The following PTER variants were observed in gnomAD, a reference collection of about 807,000 sequenced individuals.
PTER encodes the protein phosphotriesterase related.
A neutral mutation model predicts 29.6 loss-of-function variants in PTER; 38 were observed. That is an observed-to-expected ratio of 1.28 (90% confidence interval 0.99 to 1.68). PTER has a LOEUF of 1.68. PTER is among the 40% of genes most tolerant of loss of function. The pLI is 0.00. For synonymous variants in PTER, 172 were observed against 154.5 expected (o/e 1.11, Z -0.84); for missense variants, 482 against 427.8 (o/e 1.13, Z -1.12).
intron 1 of PTER, among the ~76,000 whole-genome samples, chr10:16,457,827 C>T (rs1401092413): frequency 6.6e-6 from 1 of 151,754 alleles, no homozygotes; most frequent in Non-Finnish European, 1.5e-5. Flanking sequence ...CCGCGCTAGT[C>T]TCAACTCCCA....
rs148755261 is a variant in PTER, at chr10:16,510,950, G to C, written c.840-96G>C. 97 of 1,013,716 alleles carry C rather than the reference G, an allele frequency of 9.6e-5. No individual in the cohort carries two copies. The East Asian group carries it at 2.5e-3, about 26-fold the overall frequency. 62.8% of individuals were successfully genotyped at this position (1,013,716 alleles called of 1,614,324 possible). The stretch of plus-strand genomic sequence containing the variant: ...CCACAGTAGAAGTCAGTATCTTTAC[G>C]ACAAGCACAATAGGTTAATGAGTAA... On this transcript the variant is annotated intron_variant, in intron 4 of 4. Coordinates refer to ENST00000535784, the MANE Select transcript of PTER (RefSeq NM_001261836.2).
At chr10:16,493,030 C>T (rs573432730) in intron 3 of PTER, among the ~76,000 whole-genome samples, 6 of 152,302 alleles carry the variant, frequency 3.9e-5, no homozygotes, top group African/African-American at 1.4e-4. Flanking sequence ...ATCATTCATT[C>T]ATTCCACAAA....
chr10:16,454,807 C>T (rs924685930), intron 1 of PTER, among the ~76,000 whole-genome samples: 2 of 151,466 alleles, frequency 1.3e-5, no homozygotes, highest in East Asian at 1.9e-4. Context: ...ACAATAAATA[C>T]TAATATATAA....
At chr10:16,458,993 A>G (rs1344983849) in intron 1 of PTER, among the ~76,000 whole-genome samples, 1 of 152,230 alleles carries the variant, frequency 6.6e-6, no homozygotes, top group African/African-American at 2.4e-5. Flanking sequence ...AAAATCAGAC[A>G]GAACAGATAA....
At chr10:16,478,054 G>A (rs1390805926) in intron 1 of PTER, among the ~76,000 whole-genome samples, 1 of 152,134 alleles carries the variant, frequency 6.6e-6, no homozygotes, top group Non-Finnish European at 1.5e-5. Context: ...CTTGGTGTAT[G>A]TTTCACTCTC....
At chr10:16,505,301 T>C in intron 4 of PTER, 141 bp downstream of exon 4, 2 of 1,089,564 alleles carry the variant, frequency 1.8e-6, no homozygotes, top group South Asian at 3.5e-5. Flanking sequence ...ATCTATGCTG[T>C]TTCAGGGAGA....
intron 1 of PTER, among the ~76,000 whole-genome samples, chr10:16,442,142 C>A (rs950328603): frequency 5.9e-5 from 9 of 152,128 alleles, no homozygotes; most frequent in Non-Finnish European, 1.3e-4. Flanking sequence ...AAGCCCATTG[C>A]GACCACAAAA....
rs775428811 is a variant in PTER at position 16,484,188 on chromosome 10, C to T, written c.-48-149C>T. 71 of 567,614 alleles carry T rather than the reference C, an allele frequency of 1.3e-4. No homozygotes were observed. In the Middle Eastern group the frequency reaches 1.8e-3, roughly 15 times the overall value. The allele number at this position is 567,614 out of a possible 1,614,324, so 35.2% of individuals were successfully genotyped here. A position where few individuals can be genotyped will look rare whatever the true frequency, so the allele number is the denominator to read the frequency against. ...CTGCAGTGGGGATAGATTCTGAAGTCGGCAGGATTGTGAGATCGTATCTCT... is the reference window on the plus strand; with the variant it reads ...CTGCAGTGGGGATAGATTCTGAAGTTGGCAGGATTGTGAGATCGTATCTCT... On this transcript the variant is annotated intron_variant, in intron 1 of 4. Transcript: ENST00000535784.
At position 16,484,703 on chromosome 10, in the gene PTER, A is replaced by G; in HGVS notation, c.319A>G (p.Thr107Ala). ...ENTTTGISRDTQTLKRLAEET... is the reference protein window; with the variant it reads ...ENTTTGISRDAQTLKRLAEET... ...CACAACCACTGGGATTAGCCGAGAC[A>G]CACAGACGTTGAAGAGGCTTGCAGA... The change falls in exon 2 of 5, where the codon ACA becomes GCA. Residue 107 changes from threonine (T) to alanine (A), a missense_variant. Thr to Ala is a moderately conservative substitution (Grantham distance 58). Coordinates refer to ENST00000535784, the MANE Select transcript of PTER (RefSeq NM_001261836.2). 6.2e-7 allele frequency: 1 copy of G among 1,614,168 alleles called. No individual in the cohort carries two copies. The highest frequency in any genetic ancestry group is 8.5e-7 in the Non-Finnish European group (1 of 1,180,028).
intron 4 of PTER, among the ~76,000 whole-genome samples, chr10:16,508,070 CTT>C (rs56800279): frequency 8.6e-5 from 11 of 127,854 alleles, no homozygotes; most frequent in Non-Finnish European, 8.0e-5. Flanking sequence ...TTTTCTTTTT[CTT>C]TTTTTTTTTT....
At chr10:16,441,118 A>G (rs1490191792) in intron 1 of PTER, among the ~76,000 whole-genome samples, 1 of 152,274 alleles carries the variant, frequency 6.6e-6, no homozygotes, top group Non-Finnish European at 1.5e-5. Flanking sequence ...AGGGCAGACC[A>G]TGTTAAAGTG....
At chr10:16,475,228 C>T (rs1835215715) in intron 1 of PTER, among the ~76,000 whole-genome samples, 1 of 152,166 alleles carries the variant, frequency 6.6e-6, no homozygotes, top group Admixed American at 6.5e-5. Flanking sequence ...CAAACAACCA[C>T]CATTTTATTG....
intron 1 of PTER, among the ~76,000 whole-genome samples, chr10:16,440,451 C>T (rs571210567): frequency 6.6e-5 from 10 of 152,246 alleles, no homozygotes; most frequent in African/African-American, 2.4e-4. Context: ...TATCTGGTTC[C>T]ATTTGGCATA....
At chr10:16,484,099 C>T (rs1835585900) in intron 1 of PTER, among the ~76,000 whole-genome samples, 1 of 152,016 alleles carries the variant, frequency 6.6e-6, no homozygotes, top group Non-Finnish European at 1.5e-5. Flanking sequence ...TTAGGACTAA[C>T]TCAGGCAGAG....
At chr10:16,471,113 C>G (rs1169066644) in intron 1 of PTER, among the ~76,000 whole-genome samples, 1 of 152,190 alleles carries the variant, frequency 6.6e-6, no homozygotes. Flanking sequence ...CGGCGATGGA[C>G]TACCTCAAAC....
chr10:16,514,791 G>A, downstream of PTER: 1 of 984,914 alleles, frequency 1.0e-6, no homozygotes, highest in Non-Finnish European at 1.5e-6. Context: ...ATCACAAGCT[G>A]ACTTGCTGCC....
At chr10:16,446,341 C>T (rs1037148071) in intron 1 of PTER, among the ~76,000 whole-genome samples, 2 of 151,838 alleles carry the variant, frequency 1.3e-5, no homozygotes, top group Non-Finnish European at 2.9e-5. Flanking sequence ...GCCTCAGCTT[C>T]TTGAGTAGCT....
intron 1 of PTER, among the ~76,000 whole-genome samples, chr10:16,439,648 C>G (rs1833777434): frequency 1.3e-5 from 2 of 152,200 alleles, no homozygotes; most frequent in South Asian, 4.1e-4. Flanking sequence ...AGTGTTCATA[C>G]AGGACATACA....
chr10:16,474,925 G>A (rs1835204661), intron 1 of PTER, among the ~76,000 whole-genome samples: 1 of 152,092 alleles, frequency 6.6e-6, no homozygotes, highest in African/African-American at 2.4e-5. Context: ...TCATCATTCT[G>A]AAGGCTGAGA....
Sources: allele counts gnomAD v4.1 joint callset (sites outside exome capture counted in the v4.1 genomes callset), GRCh38; gene constraint gnomAD v4.1.1; transcripts MANE v1.5; gene names NCBI Gene and HGNC (gene_info 2026-07-23, HGNC 2026-07-21).